PDE4B: variants seen among roughly 807,000 people sequenced by gnomAD.
PDE4B encodes the protein 3',5'-cyclic-AMP phosphodiesterase 4B.
Under a neutral mutation model 82.2 loss-of-function variants are expected in PDE4B, and 20 were observed. The ratio of observed to expected loss-of-function variants is 0.24; its 90% CI spans 0.17 to 0.35. The LOEUF (loss-of-function observed/expected upper bound fraction) is 0.35. PDE4B is among the 10% of genes least tolerant of loss of function. The pLI, the probability that PDE4B is intolerant of heterozygous loss-of-function variation, is 1.00. For missense variants in PDE4B, 655 were observed against 907.2 expected (o/e 0.72, Z 3.57); for synonymous variants, 320 against 318.9 (o/e 1.00, Z -0.04).
chr1:66,320,869 A>G lies in PDE4B; in HGVS notation c.635-11639A>G, dbSNP rs1659350745. ...ATATTTAGAAAACTTTGTAGAGGAG[A>G]TGACACTAGGCTGCATCCTAAAAGA... On this transcript the variant is annotated intron_variant, in intron 7 of 16. Coordinates refer to ENST00000341517, the MANE Select transcript of PDE4B (RefSeq NM_002600.4). Among the ~76,000 whole-genome samples, 4 of 152,204 alleles carry G rather than the reference A, an allele frequency of 2.6e-5. No homozygotes were observed. In the South Asian group the frequency reaches 8.3e-4, roughly 31 times the overall value.
intron 3 of PDE4B, among the ~76,000 whole-genome samples, chr1:66,153,746 C>T (rs1646448467): frequency 6.6e-6 from 1 of 152,126 alleles, no homozygotes; most frequent in South Asian, 2.1e-4. Context: ...AGTCACTTTC[C>T]TTTTAGTATC....
At chr1:65,811,595 A>C (rs1645821465) in intron 1 of PDE4B, among the ~76,000 whole-genome samples, 1 of 152,174 alleles carries the variant, frequency 6.6e-6, no homozygotes, top group Non-Finnish European at 1.5e-5. Context: ...TCATGGAAAA[A>C]TTTTTGACCT....
intron 7 of PDE4B, among the ~76,000 whole-genome samples, chr1:66,282,690 C>T (rs1265784246): frequency 6.6e-6 from 1 of 152,172 alleles, no homozygotes; most frequent in Non-Finnish European, 1.5e-5. Context: ...AGGTGTGTAA[C>T]CAGAAGTAAA....
intron 3 of PDE4B, among the ~76,000 whole-genome samples, chr1:66,178,759 A>G (rs1646989498): frequency 6.6e-6 from 1 of 152,190 alleles, no homozygotes; most frequent in Admixed American, 6.5e-5. Flanking sequence ...ATCTTCAAGG[A>G]CCTTTTGATT....
At chr1:66,328,975 G>T (rs1333064450) in intron 7 of PDE4B, among the ~76,000 whole-genome samples, 1 of 152,224 alleles carries the variant, frequency 6.6e-6, no homozygotes, top group Non-Finnish European at 1.5e-5. Flanking sequence ...CCAAGGGGTT[G>T]TCTGCTGTGG....
chr1:66,147,145 A>G (rs1274638019), intron 3 of PDE4B, among the ~76,000 whole-genome samples: 1 of 152,238 alleles, frequency 6.6e-6, no homozygotes, highest in Admixed American at 6.5e-5. Flanking sequence ...TTTGATCAAT[A>G]TATTATACTT....
intron 3 of PDE4B, among the ~76,000 whole-genome samples, chr1:65,931,313 C>T (rs955391275): frequency 3.9e-5 from 6 of 152,098 alleles, no homozygotes; most frequent in South Asian, 4.2e-4. Flanking sequence ...CTTGGGTATT[C>T]CTTTATAGCA....
intron 1 of PDE4B, among the ~76,000 whole-genome samples, chr1:65,903,925 G>T (rs923128605): frequency 1.3e-5 from 2 of 152,110 alleles, no homozygotes; most frequent in Non-Finnish European, 2.9e-5. Context: ...TAAATATTAG[G>T]CCATTAATTC....
At chr1:66,201,899 T>G (rs1267887658) in intron 3 of PDE4B, among the ~76,000 whole-genome samples, 5 of 152,078 alleles carry the variant, frequency 3.3e-5, no homozygotes. Context: ...CTTTTGAATG[T>G]GTTTGCTCTT....
chr1:66,024,128 A>G (rs181269018), intron 3 of PDE4B, among the ~76,000 whole-genome samples: 73 of 152,268 alleles, frequency 4.8e-4, no homozygotes, highest in African/African-American at 1.7e-3. Context: ...CCATACAAGT[A>G]TCCTCCATTA....
At chr1:66,351,874 A>G (rs1661843986) in intron 8 of PDE4B, among the ~76,000 whole-genome samples, 1 of 152,122 alleles carries the variant, frequency 6.6e-6, no homozygotes, top group African/African-American at 2.4e-5. Flanking sequence ...TTCAAACATA[A>G]TTCATATCTA....
chr1:66,063,198 C>A (rs1251943599), intron 3 of PDE4B, among the ~76,000 whole-genome samples: 1 of 151,956 alleles, frequency 6.6e-6, no homozygotes, highest in East Asian at 1.9e-4. Context: ...CACAGCACTG[C>A]AAAGATGGGA....
intron 3 of PDE4B, among the ~76,000 whole-genome samples, chr1:66,122,212 A>C (rs1367503146): frequency 6.6e-6 from 1 of 152,206 alleles, no homozygotes; most frequent in African/African-American, 2.4e-5. Context: ...TAACTACTGC[A>C]TAAGAATATT....
intron 3 of PDE4B, among the ~76,000 whole-genome samples, chr1:66,095,365 A>G (rs1645095110): frequency 6.6e-6 from 1 of 151,936 alleles, no homozygotes; most frequent in African/African-American, 2.4e-5. Context: ...CTAACATAGC[A>G]TTGAGTATGT....
At chr1:66,082,946 C>T (rs1656818172) in intron 3 of PDE4B, among the ~76,000 whole-genome samples, 1 of 152,014 alleles carries the variant, frequency 6.6e-6, no homozygotes, top group Admixed American at 6.6e-5. Flanking sequence ...TATGATTAGG[C>T]TTGACCTTTG....
chr1:66,168,900 A>G (rs1033851673), intron 3 of PDE4B, among the ~76,000 whole-genome samples: 12 of 152,282 alleles, frequency 7.9e-5, no homozygotes, highest in Admixed American at 7.8e-4. Flanking sequence ...AGCTTCTCTG[A>G]GACATTGTGA....
At chr1:66,046,208 A>G (rs1654704971) in intron 3 of PDE4B, 1 of 151,796 alleles carries the variant, frequency 6.6e-6, no homozygotes, top group Non-Finnish European at 1.5e-5. Flanking sequence ...CGTGATATGG[A>G]GAGTTCTAAA....
chr1:65,897,322 G>T (rs1429640949), intron 1 of PDE4B, among the ~76,000 whole-genome samples: 2 of 152,036 alleles, frequency 1.3e-5, no homozygotes, highest in Non-Finnish European at 2.9e-5. Flanking sequence ...ATCTTCAAAT[G>T]CCTATCATCA....
At chr1:66,090,929 C>A (rs1353424526) in intron 3 of PDE4B, among the ~76,000 whole-genome samples, 1 of 151,778 alleles carries the variant, frequency 6.6e-6, no homozygotes, top group Non-Finnish European at 1.5e-5. Context: ...TCTTTAAAAT[C>A]TATCCTTCAG....
Sources: gnomAD v4.1 joint callset for allele counts (sites outside exome capture counted in the v4.1 genomes callset) on GRCh38, gnomAD v4.1.1 for gene constraint, MANE v1.5 for transcripts, NCBI Gene and HGNC (gene_info 2026-07-23, HGNC 2026-07-21) for gene names.